B3GALNT2: variants seen among roughly 807,000 people sequenced by gnomAD.
B3GALNT2 encodes the protein beta-1,3-N-acetylgalactosaminyltransferase 2, also known as UDP-GalNAc:beta-1,3-N-acetylgalactosaminyltransferase 2.
A neutral mutation model predicts 61.1 loss-of-function variants in B3GALNT2; 53 were observed. The observed-to-expected ratio is 0.87, with a 90% CI of 0.70 to 1.09. The LOEUF (loss-of-function observed/expected upper bound fraction) is 1.09. Among genes scored for constraint, B3GALNT2 ranks in the 50% least tolerant of loss-of-function variants. The probability of loss-of-function intolerance (pLI) is 0.00; values close to 1 mark genes in which losing one functional copy is unlikely to be tolerated. For synonymous variants in B3GALNT2, 223 were observed against 237.4 expected (o/e 0.94, Z 0.56); for missense variants, 544 against 623.0 (o/e 0.87, Z 1.35).
intron 7 of B3GALNT2, among the ~76,000 whole-genome samples, chr1:235,460,949 C>G (rs1233823502): frequency 6.6e-6 from 1 of 152,166 alleles, no homozygotes; most frequent in African/African-American, 2.4e-5. Context: ...TGCCACTTCA[C>G]AAGTTAATGA....
In B3GALNT2 at chr1:235,461,507, G is replaced by GTTTTT. The variant is rs57611133; in HGVS notation, c.842-2726_842-2722dup. On this transcript the variant is annotated intron_variant, in intron 7 of 11. Transcript: ENST00000366600. ...GAAACACAGGGGTAGATGACCTCCT[G>GTTTTT]TTTTTTTTTTTTTTTTTTTTTTTTT... Among the ~76,000 whole-genome samples the GTTTTT allele has an allele frequency of 1.9e-4, 12 of 63,380 alleles. 1 individual carries two copies. The highest frequency in any genetic ancestry group is 5.9e-4 in the East Asian group (1 of 1,698). 41.6% of individuals were successfully genotyped at this position (63,380 alleles called of 152,430 possible).
chr1:235,484,388 G>C lies in B3GALNT2; in HGVS notation c.489C>G (p.Phe163Leu), dbSNP rs200461575. Residue 163 changes from phenylalanine to leucine, a missense_variant, in exon 4 of 12, where the codon TTC (phenylalanine) becomes TTG (leucine). By Grantham distance (22) the Phe-to-Leu change is conservative. Transcript: ENST00000366600. The part of the protein sequence containing the change: ...YPIVITSLGV[F>L]YDANDVGFQR... ...GGAAACCCACATCATTGGCATCGTA[G>C]AACACTCCAAGACTGGTAATAACGA... The C allele has an allele frequency of 6.2e-7, 1 of 1,614,134 alleles. No homozygotes were observed. The highest frequency in any genetic ancestry group is 1.7e-5 in the Admixed American group (1 of 60,006).
At position 235,454,017 on chromosome 1, in the gene B3GALNT2, A is replaced by T. The variant is rs1683051394; in HGVS notation, c.1311+139T>A. On this transcript the variant is annotated intron_variant, in intron 10 of 11. Transcript: ENST00000366600. ...ATTTTTTGTTTTTATTTTATTTTTT[A>T]TTATAGAGATGGGGTCTTGCTATGT... The T allele has an allele frequency of 8.6e-6, 6 of 694,538 alleles. No individual in the cohort carries two copies. In the Admixed American group the frequency reaches 1.1e-4, roughly 13 times the overall value. The allele number at this position is 694,538 out of a possible 1,614,324, so 43.0% of individuals were successfully genotyped here.
At chr1:235,467,813 CTT>C (rs1457519329) in intron 6 of B3GALNT2, among the ~76,000 whole-genome samples, 2 of 150,640 alleles carry the variant, frequency 1.3e-5, no homozygotes, top group Non-Finnish European at 3.0e-5. Flanking sequence ...GAGTTTCACT[CTT>C]GTCGCCCAGG....
chr1:235,455,573 A>G lies in B3GALNT2; in HGVS notation c.1137T>C (p.Asn379=). The part of the protein sequence containing the change: ...RIVQKNLDGP[N]FWWGNFRLNW... Reference sequence around the variant, plus strand: ...GGTTAACTTACTTTCCCCACCAAAAATTAGGCCCATCCAGATTCTTTTGGA... The same window carrying G: ...GGTTAACTTACTTTCCCCACCAAAAGTTAGGCCCATCCAGATTCTTTTGGA... The change falls in exon 9 of 12, where the codon AAT becomes AAC. Residue 379 remains asparagine (N), a synonymous_variant. Coordinates refer to ENST00000366600, the MANE Select transcript of B3GALNT2 (RefSeq NM_152490.5). The G allele has an allele frequency of 5.0e-6, 8 of 1,612,948 alleles. No individual in the cohort carries two copies. The highest frequency in any genetic ancestry group is 6.8e-6 in the Non-Finnish European group (8 of 1,178,900).
Position 235,470,959 on chromosome 1 carries a change from C to T in B3GALNT2, c.653G>A (p.Ser218Asn). 1 of 1,613,710 alleles carries T rather than the reference C, an allele frequency of 6.2e-7. No homozygotes were observed. The highest frequency in any genetic ancestry group is 8.5e-7 in the Non-Finnish European group (1 of 1,179,760). The change falls in exon 6 of 12, where the codon AGC (serine) becomes AAC (asparagine). Residue 218 changes from serine (S) to asparagine (N), a missense_variant and splice_region_variant. Transcript: ENST00000366600. ...CTCCCACACGATTGTACCTTCAAAG[C>T]TCTTTTGTAGAAAGATGAATAGTGA... The part of the protein sequence containing the change: ...KPVEQFILPE[S>N]FEGTIVWESQ...
rs569798007 is a variant in B3GALNT2, at chr1:235,468,043, A to G, written c.763-2329T>C. Among the ~76,000 whole-genome samples the G allele has an allele frequency of 1.1e-4, 16 of 151,578 alleles. No individual in the cohort carries two copies. In the South Asian group the frequency reaches 3.4e-3, roughly 32 times the overall value. On this transcript the variant is annotated intron_variant, in intron 6 of 11. Coordinates refer to ENST00000366600, the MANE Select transcript of B3GALNT2 (RefSeq NM_152490.5). The stretch of plus-strand genomic sequence containing the variant: ...GATCTGCCCAACTCAGCCTCCCAAA[A>G]TGCTGGGATTACAGGCGTGAGCCAC...
rs1246214620 is a variant in B3GALNT2 at position 235,476,880 on chromosome 1, T to C, written c.651+3174A>G. Among the ~76,000 whole-genome samples the C allele has an allele frequency of 3.3e-5, 5 of 151,344 alleles. No homozygotes were observed. In the East Asian group the frequency reaches 7.7e-4, roughly 23 times the overall value. Reference sequence around the variant, plus strand: ...AAAAAAAAAGATATAAAAAATTTAGTTGGGTCTGGTGGCAGGTGCCTGTAG... The same window carrying C: ...AAAAAAAAAGATATAAAAAATTTAGCTGGGTCTGGTGGCAGGTGCCTGTAG... On this transcript the variant is annotated intron_variant, in intron 5 of 11. Coordinates refer to ENST00000366600, the MANE Select transcript of B3GALNT2 (RefSeq NM_152490.5).
At chr1:235,479,425 G>C (rs1427874293) in intron 5 of B3GALNT2, 2 of 152,278 alleles carry the variant, frequency 1.3e-5, no homozygotes, top group Non-Finnish European at 2.9e-5. Context: ...TGAATAATTT[G>C]TTATGTCTGA....
rs1415619871 is a variant in B3GALNT2, at chr1:235,447,312, CTG to C, written c.*2892_*2893del. On this transcript the variant is annotated 3_prime_UTR_variant, in exon 12 of 12. Transcript: ENST00000366600. The stretch of plus-strand genomic sequence containing the variant: ...TGATAGAAAAATATGTTTGAATACA[CTG>C]TGATATTTGTAGGAACACCACACTA... Among the ~76,000 whole-genome samples, 2 of 152,168 alleles carry C rather than the reference CTG, an allele frequency of 1.3e-5. No individual in the cohort carries two copies. Among genetic ancestry groups the C allele is most frequent in the African/African-American group, 4.8e-5 (2 of 41,442 alleles).
chr1:235,500,931 G>A (rs537913298), intron 1 of B3GALNT2, among the ~76,000 whole-genome samples: 1 of 152,280 alleles, frequency 6.6e-6, no homozygotes, highest in East Asian at 1.9e-4. Flanking sequence ...TACAAAGCAA[G>A]CTCAATTTGT....
At chr1:235,495,456 A>G (rs999320991) in intron 1 of B3GALNT2, among the ~76,000 whole-genome samples, 1 of 152,146 alleles carries the variant, frequency 6.6e-6, no homozygotes, top group South Asian at 2.1e-4. Context: ...ACCCTTATTT[A>G]TATCAATGAA....
At chr1:235,462,209 TG>T (rs1471882388) in intron 7 of B3GALNT2, among the ~76,000 whole-genome samples, 8 of 152,346 alleles carry the variant, frequency 5.3e-5, no homozygotes, top group African/African-American at 1.9e-4. Context: ...GAAAATGGCT[TG>T]TAACAACAGG....
chr1:235,442,569 G>GTTT (rs1394503088), downstream of B3GALNT2, among the ~76,000 whole-genome samples: 8 of 152,180 alleles, frequency 5.3e-5, no homozygotes, highest in Non-Finnish European at 1.2e-4. Context: ...GGGAGGTATT[G>GTTT]GAGTTGTGAA....
chr1:235,443,607 G>T (rs892841836), downstream of B3GALNT2, among the ~76,000 whole-genome samples: 3 of 152,166 alleles, frequency 2.0e-5, no homozygotes, highest in African/African-American at 7.2e-5. Flanking sequence ...GTGACACTGG[G>T]TTTGGGGTCT....
At chr1:235,470,724 T>G in intron 6 of B3GALNT2, 126 bp downstream of exon 6, 2 of 1,375,776 alleles carry the variant, frequency 1.5e-6, no homozygotes, top group African/African-American at 2.9e-5. Context: ...TGCTACTATA[T>G]ATGTTGTAAA....
At position 235,447,887 on chromosome 1, in the gene B3GALNT2, A is replaced by ATTAC. The variant is rs892333634; in HGVS notation, c.*2315_*2318dup. Among the ~76,000 whole-genome samples the ATTAC allele has an allele frequency of 2.0e-5, 3 of 151,858 alleles. No homozygotes were observed. The highest frequency in any genetic ancestry group is 4.4e-5 in the Non-Finnish European group (3 of 68,018). ...GGTACAAGACTCAGGCTTTCCCCTA[A>ATTAC]TTACTTACTTGGGTAAAGTGACTTG... On this transcript the variant is annotated 3_prime_UTR_variant, in exon 12 of 12. Transcript: ENST00000366600.
chr1:235,500,251 G>A (rs1313135255), intron 1 of B3GALNT2, among the ~76,000 whole-genome samples: 1 of 152,194 alleles, frequency 6.6e-6, no homozygotes, highest in African/African-American at 2.4e-5. Flanking sequence ...CTAGCACTTT[G>A]GGAGGCCGAG....
chr1:235,469,008 A>T (rs1444636274), intron 6 of B3GALNT2, among the ~76,000 whole-genome samples: 2 of 152,110 alleles, frequency 1.3e-5, no homozygotes, highest in African/African-American at 2.4e-5. Flanking sequence ...ATAAATCCTA[A>T]ATCCTAAACA....
Sources: allele counts gnomAD v4.1 joint callset (sites outside exome capture counted in the v4.1 genomes callset), GRCh38; gene constraint gnomAD v4.1.1; transcripts MANE v1.5; gene names NCBI Gene and HGNC (gene_info 2026-07-23, HGNC 2026-07-21).